The following OPCML variants were observed in gnomAD, a reference collection of about 807,000 sequenced individuals.
OPCML encodes the protein opioid-binding protein/cell adhesion molecule.
Under a neutral mutation model 37.8 loss-of-function variants are expected in OPCML, and 13 were observed. The ratio of observed to expected loss-of-function variants is 0.34; its 90% confidence interval spans 0.22 to 0.55. OPCML has a LOEUF of 0.55. Ranked by LOEUF, OPCML falls within the 20% of genes least tolerant of loss-of-function variation. The pLI, the probability that OPCML is intolerant of heterozygous loss-of-function variation, is 0.91. For missense variants in OPCML, 341 were observed against 435.6 expected (o/e 0.78, Z 1.93); for synonymous variants, 176 against 168.8 (o/e 1.04, Z -0.33).
rs1269132548 is a variant in OPCML at position 133,019,485 on chromosome 11, G to T, written c.62-76475C>A. Among the ~76,000 whole-genome samples, 4 of 152,200 alleles carry T rather than the reference G, an allele frequency of 2.6e-5. No individual in the cohort carries two copies. In the East Asian group the frequency reaches 7.7e-4, roughly 29 times the overall value. On this transcript the variant is annotated intron_variant, in intron 1 of 7. Transcript: ENST00000524381. Reference sequence around the variant, plus strand: ...ATCTAAAGGTTAATTAAGTGCAGCTGCCAGGCAGAAAGACCACAATCAATT... The same window carrying T: ...ATCTAAAGGTTAATTAAGTGCAGCTTCCAGGCAGAAAGACCACAATCAATT...
At chr11:133,432,278 T>A (rs1277387480) in intron 1 of OPCML, among the ~76,000 whole-genome samples, 1 of 152,260 alleles carries the variant, frequency 6.6e-6, no homozygotes, top group Non-Finnish European at 1.5e-5. Context: ...AGTCTGTCTT[T>A]ACTCTTAAGG....
At chr11:133,012,147 G>A (rs150030230) in intron 1 of OPCML, among the ~76,000 whole-genome samples, 26 of 152,202 alleles carry the variant, frequency 1.7e-4, no homozygotes, top group African/African-American at 4.3e-4. Context: ...GAGGGGGCAC[G>A]GTATTATTTT....
At chr11:132,830,922 A>G (rs1369111035) in intron 2 of OPCML, among the ~76,000 whole-genome samples, 1 of 152,252 alleles carries the variant, frequency 6.6e-6, no homozygotes, top group South Asian at 2.1e-4. Flanking sequence ...CAGAAGAAGC[A>G]GAACTAAATT....
At chr11:133,040,575 AG>A (rs1247856332) in intron 1 of OPCML, among the ~76,000 whole-genome samples, 1 of 152,142 alleles carries the variant, frequency 6.6e-6, no homozygotes, top group African/African-American at 2.4e-5. Flanking sequence ...GGCTTTACTG[AG>A]GACTTGGCTT....
At chr11:132,636,283 C>T (rs982498323) in intron 3 of OPCML, among the ~76,000 whole-genome samples, 3 of 152,160 alleles carry the variant, frequency 2.0e-5, no homozygotes, top group Non-Finnish European at 2.9e-5. Flanking sequence ...AGTAAAGTCA[C>T]GTGCAGAATT....
At chr11:133,497,757 GA>G (rs1473979599) in intron 1 of OPCML, among the ~76,000 whole-genome samples, 2 of 152,188 alleles carry the variant, frequency 1.3e-5, no homozygotes, top group Non-Finnish European at 2.9e-5. Context: ...CAAAGAGAAG[GA>G]ACTCAGCAAA....
chr11:132,598,676 A>T (rs2137757603), intron 3 of OPCML, among the ~76,000 whole-genome samples: 1 of 152,316 alleles, frequency 6.6e-6, no homozygotes, highest in South Asian at 2.1e-4. Context: ...CATGGAGAGA[A>T]GTGCAATGAG....
chr11:132,857,240 A>C (rs1449428398), intron 2 of OPCML, among the ~76,000 whole-genome samples: 1 of 152,222 alleles, frequency 6.6e-6, no homozygotes, highest in Non-Finnish European at 1.5e-5. Context: ...AATGATGTTG[A>C]ATATTCTTCA....
intron 1 of OPCML, among the ~76,000 whole-genome samples, chr11:133,294,682 T>C (rs569762771): frequency 6.6e-6 from 1 of 151,972 alleles, no homozygotes; most frequent in Admixed American, 6.6e-5. Flanking sequence ...CACAATTCTA[T>C]TGACACAAAC....
chr11:132,549,121 G>A (rs531088264), intron 3 of OPCML, among the ~76,000 whole-genome samples: 46 of 152,198 alleles, frequency 3.0e-4, no homozygotes, highest in Non-Finnish European at 5.4e-4. Flanking sequence ...AGATCACGCC[G>A]ATAAAACAGG....
chr11:132,646,648 T>C (rs930142342), intron 3 of OPCML, among the ~76,000 whole-genome samples: 1 of 152,162 alleles, frequency 6.6e-6, no homozygotes, highest in South Asian at 2.1e-4. Context: ...ACATGACATT[T>C]GCTTTGATAG....
rs1191879972 is a variant in OPCML at position 132,419,471 on chromosome 11, T to C, written c.*722A>G. 2.0e-5 allele frequency: 3 copies of C among 152,232 alleles called. No homozygotes were observed. Among genetic ancestry groups the C allele is most frequent in the Non-Finnish European group, 4.4e-5 (3 of 68,044 alleles). The allele number at this position is 152,232 out of a possible 1,614,324, so 9.4% of individuals were successfully genotyped here. ...TTCTCTTTTTAAAATAGAGGTTCTA[T>C]CTTCAAAATGCCTCCCCCTTTTTTG... On this transcript the variant is annotated 3_prime_UTR_variant, in exon 8 of 8. Transcript: ENST00000524381.
At chr11:132,827,756 C>T (rs1940440773) in intron 2 of OPCML, among the ~76,000 whole-genome samples, 1 of 152,158 alleles carries the variant, frequency 6.6e-6, no homozygotes, top group Non-Finnish European at 1.5e-5. Context: ...TCTCCTGCCT[C>T]AGCCTCCCCA....
intron 4 of OPCML, among the ~76,000 whole-genome samples, chr11:132,487,844 C>T (rs1040811993): frequency 6.6e-6 from 1 of 152,234 alleles, no homozygotes; most frequent in Non-Finnish European, 1.5e-5. Flanking sequence ...CATAGTATTG[C>T]ATTACTGCTT....
chr11:133,475,590 G>C (rs1330937315), intron 1 of OPCML, among the ~76,000 whole-genome samples: 4 of 152,144 alleles, frequency 2.6e-5, no homozygotes, highest in Admixed American at 1.3e-4. Flanking sequence ...TCTTCACAGA[G>C]CTGAGATTGC....
chr11:133,081,751 TCTC>T (rs1198839579), intron 1 of OPCML, among the ~76,000 whole-genome samples: 4 of 152,028 alleles, frequency 2.6e-5, no homozygotes, highest in Non-Finnish European at 5.9e-5. Flanking sequence ...CAATCCAGAA[TCTC>T]CTTCTAGAAG....
At chr11:133,049,394 G>A (rs1948087380) in intron 1 of OPCML, among the ~76,000 whole-genome samples, 1 of 152,102 alleles carries the variant, frequency 6.6e-6, no homozygotes, top group African/African-American at 2.4e-5. Context: ...GTGAGCCCTG[G>A]ACTTGGAATT....
At position 133,235,852 on chromosome 11, in the gene OPCML, T is replaced by A. The variant is rs143919723; in HGVS notation, c.62-292842A>T. 8.5e-5 allele frequency among the ~76,000 whole-genome samples: 13 copies of A among 152,326 alleles called. No individual in the cohort carries two copies. The East Asian group carries it at 2.5e-3, about 29-fold the overall frequency. On this transcript the variant is annotated intron_variant, in intron 1 of 7. Transcript: ENST00000524381. The stretch of plus-strand genomic sequence containing the variant: ...TTACCAGCTCAGACAAGAAGTTGAC[T>A]GCTCTTTGCCTCAACTGTGAAATGG...
intron 1 of OPCML, among the ~76,000 whole-genome samples, chr11:133,047,500 C>T (rs1190430303): frequency 1.3e-5 from 2 of 152,194 alleles, no homozygotes; most frequent in African/African-American, 4.8e-5. Flanking sequence ...GCTTCTTCCA[C>T]TTGTTTCTGT....
Sources: allele counts gnomAD v4.1 joint callset (sites outside exome capture counted in the v4.1 genomes callset), GRCh38; gene constraint gnomAD v4.1.1; transcripts MANE v1.5; gene names NCBI Gene and HGNC (gene_info 2026-07-23, HGNC 2026-07-21).